VEGFA: variants seen among roughly 807,000 people sequenced by gnomAD.
The protein encoded by VEGFA is vascular endothelial growth factor A, long form.
A neutral mutation model predicts 49.7 loss-of-function variants in VEGFA; 20 were observed. The observed-to-expected ratio is 0.40, with a 90% CI of 0.28 to 0.58. VEGFA has a LOEUF of 0.58. VEGFA is among the 20% of genes least tolerant of loss of function. VEGFA has a pLI of 0.40. For missense variants in VEGFA, 505 were observed against 553.5 expected, an observed-to-expected ratio of 0.91 and a Z score of 0.88; for synonymous variants, 219 against 223.4, an observed-to-expected ratio of 0.98 and a Z score of 0.18.
At chr6:43,780,847 G>C (rs2128045542) in intron 6 of VEGFA, 44 bp downstream of exon 6, 1 of 1,613,564 alleles carries the variant, frequency 6.2e-7, no homozygotes, top group Non-Finnish European at 8.5e-7. Flanking sequence ...GAGCCTCCCT[G>C]GCCCCCAGTA....
chr6:43,773,014 G>T lies in VEGFA; in HGVS notation c.607-1327G>T, dbSNP rs1024759690. 1.1e-4 allele frequency among the ~76,000 whole-genome samples: 17 copies of T among 152,080 alleles called. No individual in the cohort carries two copies. The highest frequency in any genetic ancestry group is 1.5e-5 in the Non-Finnish European group (1 of 68,010). On this transcript the variant is annotated intron_variant, in intron 1 of 7. Coordinates refer to ENST00000672860, the MANE Select transcript of VEGFA (RefSeq NM_003376.6). This position sits in a 1 kb window ranked among gnomAD's most constrained non-coding sequence, Gnocchi z 5.6. Reference sequence around the variant, plus strand: ...GGGCCCAGGAGGAGTGGAGGGTCCCGGGAGAATATTGTCAGGGGGAAGGCA... The same window carrying T: ...GGGCCCAGGAGGAGTGGAGGGTCCCTGGAGAATATTGTCAGGGGGAAGGCA...
At chr6:43,781,106 G>C in intron 6 of VEGFA, 1 of 607,422 alleles carries the variant, frequency 1.6e-6, no homozygotes, top group Non-Finnish European at 2.9e-6. Flanking sequence ...GGCACTGGTG[G>C]CGGGCCCATG....
In VEGFA at chr6:43,770,828, G is replaced by C. The variant is rs1320240999; in HGVS notation, c.122G>C (p.Gly41Ala). The C allele has an allele frequency of 6.6e-7, 1 of 1,525,140 alleles. No homozygotes were observed. Among genetic ancestry groups the C allele is most frequent in the African/African-American group, 1.4e-5 (1 of 69,664 alleles). 94.5% of individuals were successfully genotyped at this position (1,525,140 alleles called of 1,614,324 possible). The change falls in exon 1 of 8, where the codon GGG becomes GCG. Residue 41 changes from glycine (G) to alanine (A), a missense_variant. Gly to Ala is a moderately conservative substitution (Grantham distance 60). Transcript: ENST00000672860. The stretch of plus-strand genomic sequence containing the variant: ...GGGCCGGAGCCCGCGCCCGGAGGCG[G>C]GGTGGAGGGGGTCGGGGCTCGCGGC...
intron 2 of VEGFA, chr6:43,775,430 C>T (rs575215974): frequency 6.6e-6 from 1 of 152,360 alleles, no homozygotes; most frequent in South Asian, 2.1e-4. Context: ...GGAGGCCAGC[C>T]CTCCTTGGAG....
chr6:43,784,466 G>T (rs1582542602), intron 7 of VEGFA, 75 bp from the exon 8 acceptor site: 9 of 1,497,210 alleles, frequency 6.0e-6, no homozygotes, highest in Non-Finnish European at 7.5e-6. Flanking sequence ...CCCCAGGAAT[G>T]GGGAGGCCGC....
intron 7 of VEGFA, chr6:43,784,026 G>A (rs1199364973): frequency 9.4e-6 from 2 of 213,174 alleles, no homozygotes; most frequent in Non-Finnish European, 1.9e-5. Context: ...CCCCAGGGCA[G>A]GCCCTTGCCA....
chr6:43,778,785 A>G (rs1379939310), intron 4 of VEGFA, 104 bp from the exon 5 acceptor site: 1 of 1,316,502 alleles, frequency 7.6e-7, no homozygotes, highest in Non-Finnish European at 1.1e-6. Context: ...CTCCATAATA[A>G]ATGCTGTTTT....
Position 43,777,794 on chromosome 6 carries a change from G to A in VEGFA, c.855+129G>A. On this transcript the variant is annotated intron_variant, in intron 3 of 7. Coordinates refer to ENST00000672860, the MANE Select transcript of VEGFA (RefSeq NM_003376.6). This position sits in a 1 kb window ranked among gnomAD's most constrained non-coding sequence, Gnocchi z 4.3. ...GCTCCTGCCCCTGAGTTGCACAGGG[G>A]AGGTATGGTGGGGTCTTGCCTTCTG... 9.9e-7 allele frequency: 1 copy of A among 1,005,680 alleles called. No homozygotes were observed. The highest frequency in any genetic ancestry group is 1.5e-6 in the Non-Finnish European group (1 of 689,032). 62.3% of individuals were successfully genotyped at this position (1,005,680 alleles called of 1,614,324 possible).
At chr6:43,771,415 G>T in intron 1 of VEGFA, 103 bp downstream of exon 1, 5 of 1,205,876 alleles carry the variant, frequency 4.1e-6, no homozygotes, top group Non-Finnish European at 5.6e-6. Context: ...GCCCCACGCG[G>T]GTCCATGGGC....
Position 43,784,764 on chromosome 6 carries a change from T to G in VEGFA, c.*202T>G, listed in dbSNP as rs1210630136. The G allele has an allele frequency of 4.3e-6, 4 of 932,786 alleles. No homozygotes were observed. The highest frequency in any genetic ancestry group is 1.6e-5 in the African/African-American group (1 of 61,166). 57.8% of individuals were successfully genotyped at this position (932,786 alleles called of 1,614,324 possible). A position where few individuals can be genotyped will look rare whatever the true frequency, so the allele number is the denominator to read the frequency against. ...GCACTTTGGGTCCGGAGGGCGAGAC[T>G]CCGGCGGAAGCATTCCCGGGCGGGT... On this transcript the variant is annotated 3_prime_UTR_variant, in exon 8 of 8. Transcript: ENST00000672860.
intron 7 of VEGFA, 37 bp from the exon 8 acceptor site, chr6:43,784,504 G>A (rs751673053): frequency 6.2e-7 from 1 of 1,611,434 alleles, no homozygotes; most frequent in African/African-American, 1.3e-5. Flanking sequence ...CTCCTCACTT[G>A]GCCCTAACCC....
chr6:43,772,590 C>T (rs1407012770), intron 1 of VEGFA, among the ~76,000 whole-genome samples: 2 of 152,240 alleles, frequency 1.3e-5, no homozygotes, highest in African/African-American at 4.8e-5. Flanking sequence ...TCCTGCCAGC[C>T]TTGCACACAC....
chr6:43,771,383 A>AGC, intron 1 of VEGFA, 71 bp downstream of exon 1: 5 of 1,508,590 alleles, frequency 3.3e-6, no homozygotes, highest in Non-Finnish European at 4.5e-6. Context: ...CGTGCGTGCG[A>AGC]GCGCGCGCGT....
At chr6:43,783,338 A>G (rs3025033) in intron 7 of VEGFA, 27,265 of 152,102 alleles carry the variant, frequency 0.18, 2,630 homozygotes, top group African/African-American at 0.22. Context: ...CTCCCCCAGC[A>G]ATGTTCTTGT....
chr6:43,778,960 G>A (rs200586556), intron 5 of VEGFA, 42 bp downstream of exon 5: 46 of 1,613,560 alleles, frequency 2.9e-5, no homozygotes, highest in African/African-American at 4.0e-5. Context: ...CTCCATGGCC[G>A]GTTGTCTTGG....
At position 43,770,749 on chromosome 6, in the gene VEGFA, C is replaced by A; in HGVS notation, c.43C>A (p.His15Asn). ...AGACACCGCCCCCAGCCCCAGCTAC[C>A]ACCTCCTCCCCGGCCGGCGGCGGAC... is the stretch of plus-strand genomic sequence containing the variant. The change falls in exon 1 of 8, where the codon CAC becomes AAC. Residue 15 changes from histidine (H) to asparagine (N), a missense_variant. Coordinates refer to ENST00000672860, the MANE Select transcript of VEGFA (RefSeq NM_003376.6). 6.6e-7 allele frequency: 1 copy of A among 1,514,148 alleles called. No individual in the cohort carries two copies. The highest frequency in any genetic ancestry group is 2.7e-5 in the East Asian group (1 of 37,044). The allele number at this position is 1,514,148 out of a possible 1,614,324, so 93.8% of individuals were successfully genotyped here. A position where few individuals can be genotyped will look rare whatever the true frequency, so the allele number is the denominator to read the frequency against.
At position 43,770,786 on chromosome 6, in the gene VEGFA, C is replaced by T. The variant is rs2127995594; in HGVS notation, c.80C>T (p.Ala27Val). 1.4e-6 allele frequency: 2 copies of T among 1,473,774 alleles called. No individual in the cohort carries two copies. The highest frequency in any genetic ancestry group is 2.7e-5 in the South Asian group (2 of 72,982). The allele number at this position is 1,473,774 out of a possible 1,614,324, so 91.3% of individuals were successfully genotyped here. Residue 27 changes from alanine (A) to valine (V), a missense_variant, in exon 1 of 8, where the codon GCG (alanine) becomes GTG (valine). Ala to Val is a moderately conservative substitution (Grantham distance 64). Around this residue, in one of 2 missense-constraint regions of VEGFA, gnomAD observed 340 missense variants for 321.8 expected, o/e 1.06. Coordinates refer to ENST00000672860, the MANE Select transcript of VEGFA (RefSeq NM_003376.6). ...GGCCGGCGGCGGACAGTGGACGCGG[C>T]GGCGAGCCGCGGGCAGGGGCCGGAG...
At position 43,784,538 on chromosome 6, in the gene VEGFA, C is replaced by T. The variant is rs1205311732; in HGVS notation, c.1167-3C>T. ...CCCAGCCTTTGTTTTCCATTTCCCT[C>T]AGATGTGACAAGCCGAGGCGGTGAG... On this transcript the variant is annotated splice_polypyrimidine_tract_variant and splice_region_variant and intron_variant, in intron 7 of 7. Coordinates refer to ENST00000672860, the MANE Select transcript of VEGFA (RefSeq NM_003376.6). The T allele has an allele frequency of 2.5e-6, 4 of 1,614,174 alleles. No individual in the cohort carries two copies. Among genetic ancestry groups the T allele is most frequent in the East Asian group, 4.5e-5 (2 of 44,878 alleles).
At position 43,782,024 on chromosome 6, in the gene VEGFA, C is replaced by T. The variant is rs1767964191; in HGVS notation, c.1103C>T (p.Ser368Phe). 6.2e-7 allele frequency: 1 copy of T among 1,614,060 alleles called. No individual in the cohort carries two copies. Among genetic ancestry groups the T allele is most frequent in the Non-Finnish European group, 8.5e-7 (1 of 1,180,012 alleles). The change falls in exon 7 of 8, where the codon TCC becomes TTC. Residue 368 changes from serine (S) to phenylalanine (F), a missense_variant. Transcript: ENST00000672860. ...CAAGATCCGCAGACGTGTAAATGTT[C>T]CTGCAAAAACACAGACTCGCGTTGC...
Sources: gnomAD v4.1 joint callset for allele counts (sites outside exome capture counted in the v4.1 genomes callset) on GRCh38, gnomAD v4.1.1 for gene constraint, gnomAD v4.1.1 regional missense constraint, Gnocchi (gnomAD v3.1) non-coding constraint, MANE v1.5 for transcripts, NCBI Gene and HGNC (gene_info 2026-07-23, HGNC 2026-07-21) for gene names.